The following GRM7 variants were observed in gnomAD, a reference collection of about 807,000 sequenced individuals.
GRM7 encodes the protein metabotropic glutamate receptor 7.
Under a neutral mutation model 84.5 loss-of-function variants are expected in GRM7, and 35 were observed. The observed-to-expected ratio is 0.41, with a 90% CI of 0.32 to 0.55. The LOEUF (loss-of-function observed/expected upper bound fraction) is 0.55. Ranked by LOEUF, GRM7 falls within the 20% of genes least tolerant of loss-of-function variation. The probability of loss-of-function intolerance (pLI) is 0.19; values close to 1 mark genes in which losing one functional copy is unlikely to be tolerated. For synonymous variants in GRM7, 487 were observed against 455.1 expected, an observed-to-expected ratio of 1.07 and a Z score of -0.89; for missense variants, 1,003 against 1,194.6, an observed-to-expected ratio of 0.84 and a Z score of 2.36.
intron 4 of GRM7, among the ~76,000 whole-genome samples, chr3:7,350,199 T>C (rs1693076127): frequency 6.6e-6 from 1 of 152,122 alleles, no homozygotes; most frequent in Admixed American, 6.6e-5. Context: ...TGCATTGTTT[T>C]CTAAAATTAC....
At chr3:6,864,559 T>TC (rs1559292667) in intron 1 of GRM7, among the ~76,000 whole-genome samples, 2 of 152,212 alleles carry the variant, frequency 1.3e-5, no homozygotes, top group African/African-American at 4.8e-5. Context: ...ATTAAGATTG[T>TC]CCTACATAAA....
At chr3:7,323,128 A>T (rs1038795803) in intron 4 of GRM7, among the ~76,000 whole-genome samples, 1 of 152,160 alleles carries the variant, frequency 6.6e-6, no homozygotes, top group African/African-American at 2.4e-5. Context: ...AGGGATGGAT[A>T]TGTGTATTCC....
chr3:7,321,252 G>A (rs888148397), intron 4 of GRM7, among the ~76,000 whole-genome samples: 1 of 152,044 alleles, frequency 6.6e-6, no homozygotes, highest in Non-Finnish European at 1.5e-5. Context: ...ATAAGGTTCT[G>A]ATACTAATAA....
chr3:7,666,191 C>T (rs1278387054), intron 8 of GRM7, among the ~76,000 whole-genome samples: 1 of 152,158 alleles, frequency 6.6e-6, no homozygotes, highest in Non-Finnish European at 1.5e-5. Context: ...ATTTCTTCAT[C>T]AGAGAAAATG....
intron 1 of GRM7, among the ~76,000 whole-genome samples, chr3:7,025,603 GT>G (rs948178116): frequency 2.6e-5 from 4 of 152,114 alleles, no homozygotes; most frequent in African/African-American, 9.7e-5. Flanking sequence ...AGACGTGCAG[GT>G]TTTTTAAGAA....
intron 8 of GRM7, among the ~76,000 whole-genome samples, chr3:7,586,887 A>G (rs185334207): frequency 6.6e-6 from 1 of 152,346 alleles, no homozygotes; most frequent in East Asian, 1.9e-4. Flanking sequence ...GGCCCCAGAC[A>G]TAAAAGAATA....
At chr3:7,084,613 A>G (rs57350229) in intron 1 of GRM7, among the ~76,000 whole-genome samples, 4,347 of 152,168 alleles carry the variant, frequency 0.029, 190 homozygotes, top group African/African-American at 0.099. Flanking sequence ...GGAGCTGCTG[A>G]AATGGGAGTC....
intron 2 of GRM7, among the ~76,000 whole-genome samples, chr3:7,289,603 C>G (rs1168871470): frequency 6.6e-6 from 1 of 152,086 alleles, no homozygotes; most frequent in East Asian, 1.9e-4. Flanking sequence ...GACTTGGAAC[C>G]AACCCAAATG....
chr3:6,962,517 A>G lies in GRM7; in HGVS notation c.519+100610A>G, dbSNP rs189870991. Among the ~76,000 whole-genome samples, 218 of 152,356 alleles carry G rather than the reference A, an allele frequency of 1.4e-3. 2 individuals are homozygous for G. The highest frequency in any genetic ancestry group is 4.9e-3 in the African/African-American group (205 of 41,588). ...AAGATAAAACCTGAGGAACATGAAT[A>G]TAATGAGATTTTCTTCAACAGTCAA... is the stretch of plus-strand genomic sequence containing the variant. On this transcript the variant is annotated intron_variant, in intron 1 of 9. Transcript: ENST00000357716.
At chr3:6,877,580 T>C (rs1031371699) in intron 1 of GRM7, among the ~76,000 whole-genome samples, 3 of 152,168 alleles carry the variant, frequency 2.0e-5, no homozygotes, top group Non-Finnish European at 4.4e-5. Flanking sequence ...TAGCATCACC[T>C]AGTAACCATA....
chr3:6,889,677 A>G (rs1340883021), intron 1 of GRM7, among the ~76,000 whole-genome samples: 5 of 152,122 alleles, frequency 3.3e-5, no homozygotes, highest in Admixed American at 6.6e-5. Flanking sequence ...CATCAAGGAT[A>G]TTGGTCTAAA....
At chr3:7,251,476 G>T (rs1477945288) in intron 2 of GRM7, among the ~76,000 whole-genome samples, 2 of 152,042 alleles carry the variant, frequency 1.3e-5, no homozygotes, top group Non-Finnish European at 2.9e-5. Flanking sequence ...AATACAAAAT[G>T]CCATTCAGAC....
intron 8 of GRM7, among the ~76,000 whole-genome samples, chr3:7,635,766 G>A (rs1698067293): frequency 6.6e-6 from 1 of 152,048 alleles, no homozygotes; most frequent in African/African-American, 2.4e-5. Flanking sequence ...CTCAAACCTG[G>A]GGACTCAAGC....
intron 8 of GRM7, among the ~76,000 whole-genome samples, chr3:7,584,882 T>C (rs1695437797): frequency 6.6e-6 from 1 of 152,178 alleles, no homozygotes; most frequent in Non-Finnish European, 1.5e-5. Flanking sequence ...TTGCCGACTA[T>C]TTAATCTATT....
chr3:7,460,964 C>T (rs1185315486), intron 6 of GRM7, among the ~76,000 whole-genome samples: 1 of 152,068 alleles, frequency 6.6e-6, no homozygotes, highest in Admixed American at 6.6e-5. Flanking sequence ...TAGGAAGATC[C>T]AAATGAGAGA....
At chr3:7,711,546 C>T (rs947946353) in intron 9 of GRM7, among the ~76,000 whole-genome samples, 4 of 152,144 alleles carry the variant, frequency 2.6e-5, no homozygotes, top group Non-Finnish European at 2.9e-5. Flanking sequence ...ATTGGAGTCT[C>T]GTAATCAAGA....
At chr3:7,193,690 C>T (rs1695790288) in intron 2 of GRM7, among the ~76,000 whole-genome samples, 1 of 151,978 alleles carries the variant, frequency 6.6e-6, no homozygotes, top group Admixed American at 6.6e-5. Context: ...CTCCCCCTCC[C>T]TTTTTCTGTC....
At chr3:6,947,942 T>C (rs1698153154) in intron 1 of GRM7, among the ~76,000 whole-genome samples, 3 of 152,216 alleles carry the variant, frequency 2.0e-5, no homozygotes, top group Admixed American at 2.0e-4. Flanking sequence ...GATTCTTCTC[T>C]CTTTTCTTCT....
chr3:7,154,622 T>A (rs558097307), intron 2 of GRM7, among the ~76,000 whole-genome samples: 11 of 152,044 alleles, frequency 7.2e-5, no homozygotes, highest in Non-Finnish European at 8.8e-5. Flanking sequence ...AAAGATGCAG[T>A]GTAAGGAAAC....
Sources: allele counts gnomAD v4.1 joint callset (sites outside exome capture counted in the v4.1 genomes callset), GRCh38; gene constraint gnomAD v4.1.1; transcripts MANE v1.5; gene names NCBI Gene and HGNC (gene_info 2026-07-23, HGNC 2026-07-21).